MYH3: variants seen among roughly 807,000 people sequenced by gnomAD.
MYH3 encodes myosin-3.
MYH3 carries 130 observed loss-of-function variants against 238.0 expected under a neutral mutation model. That is an observed-to-expected ratio of 0.55 (90% CI 0.47 to 0.63). The LOEUF (loss-of-function observed/expected upper bound fraction) is 0.63. Among genes scored for constraint, MYH3 ranks in the 30% least tolerant of loss-of-function variants. The pLI is 0.00. For missense variants in MYH3, 1,853 were observed against 2,374.9 expected (o/e 0.78, Z 4.57); for synonymous variants, 880 against 924.1 (o/e 0.95, Z 0.86).
At chr17:10,653,502 G>A (rs913896686) in intron 3 of MYH3, among the ~76,000 whole-genome samples, 8 of 152,078 alleles carry the variant, frequency 5.3e-5, no homozygotes, top group Non-Finnish European at 8.8e-5. Flanking sequence ...CCTTTCTGGG[G>A]TCAGAGTGTT....
upstream of MYH3, among the ~76,000 whole-genome samples, chr17:10,660,173 T>C (rs2074470104): frequency 6.6e-6 from 1 of 152,244 alleles, no homozygotes; most frequent in African/African-American, 2.4e-5. Flanking sequence ...ACTAGTTATG[T>C]GCATTCAGCG....
In MYH3 at chr17:10,644,511, A is replaced by T; in HGVS notation, c.1261-11T>A. 6.2e-7 allele frequency: 1 copy of T among 1,614,174 alleles called. No individual in the cohort carries two copies. On this transcript the variant is annotated splice_polypyrimidine_tract_variant and intron_variant, in intron 13 of 40. Transcript: ENST00000583535. Reference sequence around the variant, plus strand: ...CACAGCATGGTGAACCTATCAGGGGAAAGATCAGCTACTGGATATGAAGGA... The same window carrying T: ...CACAGCATGGTGAACCTATCAGGGGTAAGATCAGCTACTGGATATGAAGGA...
At chr17:10,670,611 T>C in the MYH3 span, among the ~76,000 whole-genome samples, 1 of 152,114 alleles carries the variant, frequency 6.6e-6, no homozygotes, top group African/African-American at 2.4e-5. This position sits in a 1 kb window ranked among gnomAD's most constrained non-coding sequence, Gnocchi z 7.0. Context: ...GCCCAATTAA[T>C]AATGACTCTT....
At position 10,642,535 on chromosome 17, in the gene MYH3, A is replaced by T. The variant is rs1436175324; in HGVS notation, c.1770T>A (p.Ser590Arg). 6.2e-7 allele frequency: 1 copy of T among 1,614,224 alleles called. No individual in the cohort carries two copies. Among genetic ancestry groups the T allele is most frequent in the Non-Finnish European group, 8.5e-7 (1 of 1,180,040 alleles). Residue 590 changes from serine (S) to arginine (R), a missense_variant, in exon 16 of 41, where the codon AGT becomes AGA. Physicochemically the swap from Ser to Arg is moderately radical, Grantham distance 110 (BLOSUM62 -1). Coordinates refer to ENST00000583535, the MANE Select transcript of MYH3 (RefSeq NM_002470.4). The surrounding 1 kb of genome is among the most constrained non-coding windows in gnomAD (Gnocchi z 5.4). ...TGTTCTTCTCCAGCCAACCTGAGAC[A>T]CTGTAGTCCACGGTGCCCGCATAGT... ...LIHYAGTVDY[S>R]VSGWLEKNKD...
rs749917598 is a variant in MYH3, at chr17:10,638,183, G to A, written c.3589C>T (p.His1197Tyr). 6.2e-6 allele frequency: 10 copies of A among 1,613,896 alleles called. No individual in the cohort carries two copies. The highest frequency in any genetic ancestry group is 1.7e-4 in the Middle Eastern group (1 of 6,060). ...CCAAGCTCGGCCACACTATCCGCAT[G>A]CTTCTTCCTCAGCGCGGCCACCATG... ...EAMVAALRKK[H>Y]ADSVAELGEQ... Residue 1197 changes from histidine to tyrosine, a missense_variant, in exon 27 of 41, where the codon CAT becomes TAT. His to Tyr is a moderately conservative substitution (Grantham distance 83, BLOSUM62 2). Coordinates refer to ENST00000583535, the MANE Select transcript of MYH3 (RefSeq NM_002470.4).
chr17:10,634,395 T>C (rs902081676), intron 31 of MYH3, among the ~76,000 whole-genome samples: 13 of 152,162 alleles, frequency 8.5e-5, no homozygotes, highest in African/African-American at 2.9e-4. Context: ...AAAAAGCAAA[T>C]AGATCCTTTG....
rs2285478 is a variant in MYH3 at position 10,632,867 on chromosome 17, A to G, written c.4648-83T>C. 0.67 allele frequency: 952,382 copies of G among 1,416,252 alleles called. 331,267 individuals carry two copies. The highest frequency in any genetic ancestry group is 0.73 in the Non-Finnish European group (733,103 of 1,001,708). The allele number at this position is 1,416,252 out of a possible 1,614,324, so 87.7% of individuals were successfully genotyped here. On this transcript the variant is annotated intron_variant, in intron 33 of 40. Transcript: ENST00000583535. ...TACCCTGCAGGATAACAAAACTTCA[A>G]TGGAATAGTCCTAAATCTAATCCTA...
At position 10,642,407 on chromosome 17, in the gene MYH3, C is replaced by T. The variant is rs759205757; in HGVS notation, c.1888+10G>A. 5.6e-6 allele frequency: 9 copies of T among 1,614,186 alleles called. No individual in the cohort carries two copies. The East Asian group carries it at 1.8e-4, about 32-fold the overall frequency. ...AGGGAAATCACATGGACACAAAGCA[C>T]TCCTCTTACCATCCGCCGTGGCAAA... On this transcript the variant is annotated intron_variant, in intron 16 of 40. Transcript: ENST00000583535. The surrounding 1 kb of genome is among the most constrained non-coding windows in gnomAD (Gnocchi z 5.4).
rs1357750233 is a variant in MYH3 at position 10,631,603 on chromosome 17, C to T, written c.5286+8G>A. On this transcript the variant is annotated splice_region_variant and intron_variant, in intron 36 of 40. Coordinates refer to ENST00000583535, the MANE Select transcript of MYH3 (RefSeq NM_002470.4). ...CAGCCCGAGGGCAGCAGGAAGGAGA[C>T]GCCTTACGTCCGTGATGGCCTTCTT... The T allele has an allele frequency of 6.8e-6, 11 of 1,614,004 alleles. No homozygotes were observed. Among genetic ancestry groups the T allele is most frequent in the East Asian group, 2.2e-5 (1 of 44,886 alleles).
chr17:10,630,052 G>C, intron 38 of MYH3, 40 bp downstream of exon 38: 1 of 1,607,022 alleles, frequency 6.2e-7, no homozygotes, highest in Non-Finnish European at 8.5e-7. Context: ...GAATCTGCAC[G>C]TCACAGAGGA....
the MYH3 span, among the ~76,000 whole-genome samples, chr17:10,668,086 T>C: frequency 1.3e-5 from 2 of 152,208 alleles, no homozygotes; most frequent in Middle Eastern, 3.2e-3. Context: ...TAGTGAGATA[T>C]ATTCAAAGCA....
chr17:10,671,572 A>ATTTTTTTTTT, the MYH3 span, among the ~76,000 whole-genome samples: 1 of 82,308 alleles, frequency 1.2e-5, no homozygotes. Context: ...TCTCAGGGTC[A>ATTTTTTTTTT]TTTTTTTTTT....
intron 12 of MYH3, among the ~76,000 whole-genome samples, chr17:10,645,077 G>A (rs1042413131): frequency 5.4e-5 from 8 of 149,024 alleles, no homozygotes; most frequent in Admixed American, 3.3e-4. Context: ...TTACTGTGTT[G>A]CCCAGGCTGG....
chr17:10,631,720 T>C lies in MYH3; in HGVS notation c.5177A>G (p.His1726Arg). ...LLHTQNTSLI[H>R]TKKKLETDLM... ...GTCTGTCTCCAGCTTCTTCTTGGTG[T>C]GGATGAGGCTGGTGTTCTAGGGCAA... is the stretch of plus-strand genomic sequence containing the variant. The change falls in exon 36 of 41, where the codon CAC (histidine) becomes CGC (arginine). Residue 1726 changes from histidine (H) to arginine (R), a missense_variant. By Grantham distance (29) the His-to-Arg change is conservative (BLOSUM62 0). This residue lies in a region of MYH3 where 1,044 missense variants were observed against 1,192.6 expected (regional missense o/e 0.88). Transcript: ENST00000583535. The C allele has an allele frequency of 6.2e-7, 1 of 1,614,154 alleles. No individual in the cohort carries two copies. The highest frequency in any genetic ancestry group is 8.5e-7 in the Non-Finnish European group (1 of 1,180,008).
chr17:10,634,253 C>G, intron 31 of MYH3, 71 bp from the exon 32 acceptor site: 3 of 1,572,618 alleles, frequency 1.9e-6, no homozygotes, highest in Non-Finnish European at 2.6e-6. Context: ...TACTAAATAA[C>G]TAAATTAAAT....
chr17:10,651,454 C>T, intron 5 of MYH3, 58 bp downstream of exon 5: 1 of 1,611,316 alleles, frequency 6.2e-7, no homozygotes, highest in East Asian at 2.2e-5. Flanking sequence ...GGGGCAACTG[C>T]CGCTCGCCTC....
In MYH3 at chr17:10,629,843, G is replaced by C. The variant is rs1465746709; in HGVS notation, c.5657C>G (p.Ala1886Gly). Residue 1886 changes from alanine to glycine, a missense_variant and splice_region_variant, in exon 39 of 41, where the codon GCT becomes GGT. This residue lies in a region of MYH3 where 1,044 missense variants were observed against 1,192.6 expected (regional missense o/e 0.88). Coordinates refer to ENST00000583535, the MANE Select transcript of MYH3 (RefSeq NM_002470.4). ...GCAGTCAGCACCTATCTCACTTACAGCCTCCTCCGCCTGCCTCTTGTAGGA... is the reference window on the plus strand; with the variant it reads ...GCAGTCAGCACCTATCTCACTTACACCCTCCTCCGCCTGCCTCTTGTAGGA... Reference protein sequence around the residue: ...VKSYKRQAEEADEQANAHLTK... With the variant: ...VKSYKRQAEEGDEQANAHLTK... 1 of 1,614,006 alleles carries C rather than the reference G, an allele frequency of 6.2e-7. No homozygotes were observed. Among genetic ancestry groups the C allele is most frequent in the East Asian group, 2.2e-5 (1 of 44,884 alleles).
chr17:10,667,940 A>C, the MYH3 span, among the ~76,000 whole-genome samples: 6 of 152,186 alleles, frequency 3.9e-5, no homozygotes, highest in Non-Finnish European at 7.3e-5. Context: ...AATAAATGTA[A>C]ATATAAAGGA....
the MYH3 span, among the ~76,000 whole-genome samples, chr17:10,671,736 C>T: frequency 4.6e-5 from 7 of 151,800 alleles, no homozygotes; most frequent in African/African-American, 1.5e-4. Context: ...CCGGCCACCA[C>T]GCCCGGCTAA....
Sources: gnomAD v4.1 joint callset for allele counts (sites outside exome capture counted in the v4.1 genomes callset) on GRCh38, gnomAD v4.1.1 for gene constraint, gnomAD v4.1.1 regional missense constraint, Gnocchi (gnomAD v3.1) non-coding constraint, MANE v1.5 for transcripts, NCBI Gene and HGNC (gene_info 2026-07-23, HGNC 2026-07-21) for gene names.